Variants in ROCK2 observed in about 807,000 individuals in gnomAD.
ROCK2 encodes the protein rho-associated protein kinase 2.
ROCK2 carries 61 observed loss-of-function variants against 195.1 expected under a neutral mutation model. The ratio of observed to expected loss-of-function variants is 0.31; its 90% CI spans 0.25 to 0.39. The LOEUF is 0.39. ROCK2 is among the 10% of genes least tolerant of loss of function. The pLI, the probability that ROCK2 is intolerant of heterozygous loss-of-function variation, is 1.00. For missense variants in ROCK2, 1,109 were observed against 1,637.4 expected (o/e 0.68, Z 5.57); for synonymous variants, 504 against 545.5 (o/e 0.92, Z 1.06).
intron 1 of ROCK2, among the ~76,000 whole-genome samples, chr2:11,329,070 T>G (rs1196323708): frequency 6.9e-6 from 1 of 144,124 alleles, no homozygotes; most frequent in Non-Finnish European, 1.5e-5. Context: ...AGTATAATAA[T>G]AATTTTTTTA....
At position 11,204,343 on chromosome 2, in the gene ROCK2, C is replaced by T. The variant is rs192234477; in HGVS notation, c.2550-2222G>A. 6.6e-5 allele frequency among the ~76,000 whole-genome samples: 10 copies of T among 152,204 alleles called. No individual in the cohort carries two copies. In the East Asian group the frequency reaches 1.5e-3, roughly 23 times the overall value. On this transcript the variant is annotated intron_variant, in intron 20 of 32. Transcript: ENST00000315872. ...TCTTATAGCAACCACAAACTATAAT[C>T]TCCCCGGTTTACTAGATGAGAACTC...
chr2:11,198,722 T>G lies in ROCK2; in HGVS notation c.2963A>C (p.Glu988Ala). ...CAATTTGTTATTTAATTCTTCTTTC[T>G]CATTTGCAAGATTGGCAACATCACT... The part of the protein sequence containing the change: ...LTSDVANLAN[E>A]KEELNNKLKD... Residue 988 changes from glutamate (E) to alanine (A), a missense_variant, in exon 24 of 33, where the codon GAG (glutamate) becomes GCG (alanine). Physicochemically the swap from Glu to Ala is moderately radical, Grantham distance 107. Around this residue, in one of 6 missense-constraint regions of ROCK2, gnomAD observed 542 missense variants for 672.0 expected, o/e 0.81. Coordinates refer to ENST00000315872, the MANE Select transcript of ROCK2 (RefSeq NM_004850.5). 1 of 1,610,320 alleles carries G rather than the reference T, an allele frequency of 6.2e-7. No homozygotes were observed. The highest frequency in any genetic ancestry group is 8.5e-7 in the Non-Finnish European group (1 of 1,178,362).
chr2:11,262,204 G>T (rs1666251142), intron 3 of ROCK2, among the ~76,000 whole-genome samples: 1 of 151,776 alleles, frequency 6.6e-6, no homozygotes. Context: ...TTTTAAAAGT[G>T]GATGAGTGTA....
At chr2:11,202,866 T>A (rs1663913538) in intron 20 of ROCK2, among the ~76,000 whole-genome samples, 1 of 152,124 alleles carries the variant, frequency 6.6e-6, no homozygotes, top group Non-Finnish European at 1.5e-5. Context: ...CAACATTGAA[T>A]CACACATTCA....
chr2:11,332,094 G>C (rs913217459), intron 1 of ROCK2, among the ~76,000 whole-genome samples: 1 of 151,750 alleles, frequency 6.6e-6, no homozygotes, highest in African/African-American at 2.4e-5. Context: ...AGTGAGCTAT[G>C]ATCACACTGC....
intron 32 of ROCK2, among the ~76,000 whole-genome samples, chr2:11,190,269 G>C (rs542972297): frequency 5.9e-5 from 9 of 151,652 alleles, no homozygotes; most frequent in African/African-American, 2.2e-4. Flanking sequence ...GCAGATATGA[G>C]GGAAAGAAAT....
chr2:11,294,376 A>G (rs1486091836), intron 1 of ROCK2, among the ~76,000 whole-genome samples: 2 of 152,198 alleles, frequency 1.3e-5, no homozygotes, highest in Non-Finnish European at 2.9e-5. Flanking sequence ...CACTTTATAT[A>G]ACATCTCCTT....
At chr2:11,335,108 T>TAAAC (rs1338128585) in intron 1 of ROCK2, among the ~76,000 whole-genome samples, 2 of 145,028 alleles carry the variant, frequency 1.4e-5, no homozygotes, top group Non-Finnish European at 3.0e-5. Flanking sequence ...CTTTGACTGA[T>TAAAC]ACACACACAC....
intron 1 of ROCK2, among the ~76,000 whole-genome samples, chr2:11,307,786 A>C (rs1370356706): frequency 6.6e-6 from 1 of 152,236 alleles, no homozygotes; most frequent in Admixed American, 6.5e-5. Context: ...AAAAACCAAC[A>C]GATTGTTGCA....
At chr2:11,277,114 T>A (rs902647230) in intron 3 of ROCK2, among the ~76,000 whole-genome samples, 3 of 152,236 alleles carry the variant, frequency 2.0e-5, no homozygotes, top group African/African-American at 7.2e-5. Context: ...GTGGTACATT[T>A]GTTACAACTG....
chr2:11,182,164 A>G lies in ROCK2; in HGVS notation c.*1273T>C, dbSNP rs1179486653. The G allele has an allele frequency of 2.0e-5, 3 of 152,198 alleles. No individual in the cohort carries two copies. Among genetic ancestry groups the G allele is most frequent in the African/African-American group, 7.2e-5 (3 of 41,442 alleles). 9.4% of individuals were successfully genotyped at this position (152,198 alleles called of 1,614,324 possible). A position where few individuals can be genotyped will look rare whatever the true frequency, so the allele number is the denominator to read the frequency against. On this transcript the variant is annotated 3_prime_UTR_variant, in exon 33 of 33. Coordinates refer to ENST00000315872, the MANE Select transcript of ROCK2 (RefSeq NM_004850.5). ...CATTTAAAAAATAAAAATCAAATTA[A>G]GTGCCTTTGAGGCCACTTCTTCCCA...
chr2:11,256,395 G>A (rs1027222277), intron 3 of ROCK2, among the ~76,000 whole-genome samples: 4 of 151,112 alleles, frequency 2.6e-5, no homozygotes, highest in Non-Finnish European at 5.9e-5. Context: ...CACGTAAGAC[G>A]TGCTTGCTTC....
chr2:11,208,469 C>T (rs1280736336), intron 18 of ROCK2, 22 bp from the exon 19 acceptor site: 1 of 1,372,924 alleles, frequency 7.3e-7, no homozygotes, highest in Non-Finnish European at 9.7e-7. Flanking sequence ...AAAATGGACA[C>T]AATCATAAAT....
At chr2:11,324,422 T>TC (rs2148253114) in intron 1 of ROCK2, among the ~76,000 whole-genome samples, 2 of 90,802 alleles carry the variant, frequency 2.2e-5, no homozygotes, top group African/African-American at 6.7e-5. Flanking sequence ...AGACTCCGTC[T>TC]CAAAAAACAA....
intron 1 of ROCK2, among the ~76,000 whole-genome samples, chr2:11,339,467 C>A: frequency 6.6e-6 from 1 of 150,862 alleles, no homozygotes; most frequent in African/African-American, 2.4e-5. Context: ...AGATATATAC[C>A]CTAATCTACA....
chr2:11,220,704 A>G (rs1301515680), intron 9 of ROCK2, among the ~76,000 whole-genome samples: 2 of 151,912 alleles, frequency 1.3e-5, no homozygotes, highest in African/African-American at 4.8e-5. Context: ...ACACCTCACA[A>G]CTGTCCCCTA....
chr2:11,237,013 G>C (rs1020968100), intron 4 of ROCK2, among the ~76,000 whole-genome samples: 11 of 152,094 alleles, frequency 7.2e-5, no homozygotes, highest in Admixed American at 3.3e-4. Context: ...TTAGCCAGGC[G>C]TAGTGGCAGG....
intron 3 of ROCK2, among the ~76,000 whole-genome samples, chr2:11,267,701 C>CTTT (rs34065184): frequency 1.5e-4 from 19 of 130,412 alleles, no homozygotes; most frequent in African/African-American, 5.4e-4. Flanking sequence ...ATCAATACGC[C>CTTT]TTTTTTTTTT....
chr2:11,202,035 A>G lies in ROCK2; in HGVS notation c.2619+17T>C, dbSNP rs1219705676. On this transcript the variant is annotated intron_variant, in intron 21 of 32. Transcript: ENST00000315872. ...AACTCTGTTTGCTATTTGCAAATTA[A>G]TGTGTCTTGAACTTACTGAGAAATA... The G allele has an allele frequency of 1.9e-6, 3 of 1,602,380 alleles. No homozygotes were observed. In the African/African-American group the frequency reaches 4.0e-5, roughly 21 times the overall value.
Sources: gnomAD v4.1 joint callset for allele counts (sites outside exome capture counted in the v4.1 genomes callset) on GRCh38, gnomAD v4.1.1 for gene constraint, gnomAD v4.1.1 regional missense constraint, MANE v1.5 for transcripts, NCBI Gene and HGNC (gene_info 2026-07-23, HGNC 2026-07-21) for gene names.